The following PSD3 variants were observed in gnomAD, a reference collection of about 807,000 sequenced individuals.
PSD3 encodes the protein PH and SEC7 domain-containing protein 3.
PSD3 carries 49 observed loss-of-function variants against 105.5 expected under a neutral mutation model. That is an observed-to-expected ratio of 0.46 (90% CI 0.37 to 0.59). PSD3 has a LOEUF of 0.59. PSD3 is among the 20% of genes least tolerant of loss of function. The pLI is 0.00. For synonymous variants in PSD3, 557 were observed against 457.8 expected (o/e 1.22, Z -2.77); for missense variants, 1,561 against 1,263.8 (o/e 1.24, Z -3.57).
intron 12 of PSD3, among the ~76,000 whole-genome samples, chr8:18,584,097 A>G (rs1802996205): frequency 6.6e-6 from 1 of 152,210 alleles, no homozygotes; most frequent in Non-Finnish European, 1.5e-5. Flanking sequence ...ATAGACCTGA[A>G]AAAGGTCTAT....
intron 1 of PSD3, among the ~76,000 whole-genome samples, chr8:18,978,823 C>T (rs1825093934): frequency 6.6e-6 from 1 of 152,134 alleles, no homozygotes; most frequent in Non-Finnish European, 1.5e-5. Context: ...GACAATGACT[C>T]ATTCTCTCTT....
chr8:19,070,255 A>G (rs1485600003), intron 1 of PSD3, among the ~76,000 whole-genome samples: 1 of 151,970 alleles, frequency 6.6e-6, no homozygotes, highest in Non-Finnish European at 1.5e-5. Context: ...GCAAGGTTTA[A>G]ACCTTTTATT....
At chr8:18,752,598 T>TATATA (rs1805668880) in intron 9 of PSD3, among the ~76,000 whole-genome samples, 1 of 84,954 alleles carries the variant, frequency 1.2e-5, no homozygotes, top group Non-Finnish European at 2.0e-5. Flanking sequence ...ATATATTATA[T>TATATA]ATTATATATA....
At chr8:18,629,572 CA>C in intron 11 of PSD3, among the ~76,000 whole-genome samples, 1 of 151,828 alleles carries the variant, frequency 6.6e-6, no homozygotes, top group Non-Finnish European at 1.5e-5. Flanking sequence ...CATGAATCTG[CA>C]AAGAATAACA....
At chr8:18,979,392 G>T (rs1449232599) in intron 1 of PSD3, among the ~76,000 whole-genome samples, 1 of 152,114 alleles carries the variant, frequency 6.6e-6, no homozygotes, top group Non-Finnish European at 1.5e-5. Context: ...TTCTCTTAGG[G>T]AGCACATTCT....
intron 1 of PSD3, among the ~76,000 whole-genome samples, chr8:19,079,133 A>G (rs1829559909): frequency 6.6e-6 from 1 of 152,210 alleles, no homozygotes; most frequent in South Asian, 2.1e-4. Context: ...AGGATGGGGT[A>G]AGGAGAGAAA....
At chr8:18,758,799 A>G (rs757323475) in intron 9 of PSD3, among the ~76,000 whole-genome samples, 6 of 152,206 alleles carry the variant, frequency 3.9e-5, no homozygotes, top group South Asian at 2.1e-4. Context: ...AAAACAACAT[A>G]TATAATCCTT....
At chr8:19,081,110 G>C (rs1198962982) in intron 1 of PSD3, among the ~76,000 whole-genome samples, 1 of 152,186 alleles carries the variant, frequency 6.6e-6, no homozygotes, top group Admixed American at 6.5e-5. Flanking sequence ...GTTAGGGCAG[G>C]CTCTGGTCCC....
chr8:18,647,438 T>C (rs1475308824), intron 10 of PSD3, among the ~76,000 whole-genome samples: 1 of 152,188 alleles, frequency 6.6e-6, no homozygotes, highest in East Asian at 1.9e-4. Flanking sequence ...TGTAGGGCAA[T>C]ATGAAATTGC....
In PSD3 at chr8:18,998,066, C is replaced by T. The variant is rs1480825035; in HGVS notation, c.21+15497G>A. Among the ~76,000 whole-genome samples, 3 of 151,688 alleles carry T rather than the reference C, an allele frequency of 2.0e-5. 1 individual carries two copies. Among genetic ancestry groups the T allele is most frequent in the Non-Finnish European group, 4.4e-5 (3 of 67,920 alleles). ...CCCTGGAACCTAAAATAATGCCTGC[C>T]TCATAGGAGACACTCAAACACCATC... On this transcript the variant is annotated intron_variant, in intron 1 of 15. Transcript: ENST00000327040.
intron 10 of PSD3, among the ~76,000 whole-genome samples, chr8:18,647,008 CCTCTATCAT>C (rs1808085944): frequency 6.6e-6 from 1 of 152,162 alleles, no homozygotes; most frequent in Non-Finnish European, 1.5e-5. Context: ...AATCCCATTG[CCTCTATCAT>C]CCCCCAAGAA....
At chr8:18,791,950 C>T (rs569262700) in intron 8 of PSD3, among the ~76,000 whole-genome samples, 57 of 152,026 alleles carry the variant, frequency 3.7e-4, no homozygotes, top group Non-Finnish European at 5.4e-4. Context: ...ATATATGCGG[C>T]CAAGAAACAT....
intron 4 of PSD3, among the ~76,000 whole-genome samples, chr8:18,809,329 C>G (rs2638656): frequency 0.22 from 33,107 of 152,026 alleles, 3,736 homozygotes; most frequent in South Asian, 0.3. Context: ...CTAGAAAATG[C>G]TTCCCTGGGG....
intron 1 of PSD3, among the ~76,000 whole-genome samples, chr8:19,062,236 A>G (rs1828925908): frequency 6.6e-6 from 1 of 152,252 alleles, no homozygotes; most frequent in African/African-American, 2.4e-5. Context: ...TTTGAATAGC[A>G]GAAGCGGCGG....
chr8:18,659,538 C>T (rs1452407057), intron 9 of PSD3, among the ~76,000 whole-genome samples: 1 of 152,214 alleles, frequency 6.6e-6, no homozygotes, highest in Non-Finnish European at 1.5e-5. Context: ...TTTACATCAA[C>T]TAAGTACATT....
intron 9 of PSD3, among the ~76,000 whole-genome samples, chr8:18,711,135 G>C (rs931324485): frequency 2.0e-5 from 3 of 152,190 alleles, no homozygotes; most frequent in Non-Finnish European, 4.4e-5. Context: ...ACTCCTGTAA[G>C]AAGCACTGAA....
At chr8:18,659,328 C>T (rs1385347060) in intron 9 of PSD3, among the ~76,000 whole-genome samples, 1 of 152,206 alleles carries the variant, frequency 6.6e-6, no homozygotes, top group Admixed American at 6.5e-5. Flanking sequence ...CTCTAAAATG[C>T]ATCTGCACTA....
rs895602853 is a variant in PSD3, at chr8:18,713,432, T to C, written c.2172+52017A>G. On this transcript the variant is annotated intron_variant, in intron 9 of 15. Transcript: ENST00000327040. Reference sequence around the variant, plus strand: ...TTTACCTGATAAGTCACTTCAGCAATGTCTCAGGATACAAAATCAATGTGC... The same window carrying C: ...TTTACCTGATAAGTCACTTCAGCAACGTCTCAGGATACAAAATCAATGTGC... Among the ~76,000 whole-genome samples the C allele has an allele frequency of 3.3e-5, 5 of 152,298 alleles. No individual in the cohort carries two copies. The East Asian group carries it at 9.7e-4, about 29-fold the overall frequency.
chr8:18,573,720 T>G (rs994672114), intron 13 of PSD3, among the ~76,000 whole-genome samples: 12 of 152,166 alleles, frequency 7.9e-5, no homozygotes, highest in Admixed American at 3.9e-4. Flanking sequence ...AGTCTGTTTA[T>G]ATGAAGTGTC....
Sources: gnomAD v4.1 joint callset for allele counts (sites outside exome capture counted in the v4.1 genomes callset) on GRCh38, gnomAD v4.1.1 for gene constraint, MANE v1.5 for transcripts, NCBI Gene and HGNC (gene_info 2026-07-23, HGNC 2026-07-21) for gene names.